Variants in C6 observed in about 807,000 individuals in gnomAD.
The protein encoded by C6 is complement component C6.
C6 carries 101 observed loss-of-function variants against 112.9 expected under a neutral mutation model. That is an observed-to-expected ratio of 0.89 (90% CI 0.76 to 1.06). C6 has a LOEUF of 1.06. Among genes scored for constraint, C6 ranks in the 50% least tolerant of loss-of-function variants. C6 has a pLI of 0.00. For synonymous variants in C6, 431 were observed against 384.1 expected (o/e 1.12, Z -1.43); for missense variants, 1,202 against 1,104.6 (o/e 1.09, Z -1.25).
chr5:41,202,612 G>T (rs1751114794), intron 2 of C6, among the ~76,000 whole-genome samples: 1 of 152,176 alleles, frequency 6.6e-6, no homozygotes, highest in Admixed American at 6.5e-5. Context: ...CAAGAAGTCT[G>T]AATTGGTGAA....
At chr5:41,253,666 G>C (rs749366785) in intron 1 of C6, among the ~76,000 whole-genome samples, 1 of 152,086 alleles carries the variant, frequency 6.6e-6, no homozygotes, top group Non-Finnish European at 1.5e-5. Context: ...CTTGTTTTTA[G>C]GTTATTTTGG....
chr5:41,253,690 C>T (rs370233105), intron 1 of C6, among the ~76,000 whole-genome samples: 5 of 152,252 alleles, frequency 3.3e-5, no homozygotes, highest in South Asian at 2.1e-4. Context: ...GTCCTTGTTA[C>T]GCTTTCTTGA....
At chr5:41,212,476 A>G (rs1016904041) in intron 1 of C6, among the ~76,000 whole-genome samples, 21 of 152,276 alleles carry the variant, frequency 1.4e-4, no homozygotes, top group Non-Finnish European at 5.9e-5. Flanking sequence ...TTAATCAAAT[A>G]AAAATAATTA....
In C6 at chr5:41,232,073, T is replaced by C. The variant is rs553798472; in HGVS notation, c.-20-28823A>G. 1.2e-4 allele frequency among the ~76,000 whole-genome samples: 18 copies of C among 152,274 alleles called. No individual in the cohort carries two copies. The South Asian group carries it at 2.9e-3, about 25-fold the overall frequency. ...TGTTCTTGTTAGGACTCCTAATTCA[T>C]AGCTGTCTTTGTTGTATCCCTGTAA... is the stretch of plus-strand genomic sequence containing the variant. On this transcript the variant is annotated intron_variant, in intron 1 of 17. Coordinates refer to the C6 transcript ENST00000263413.
intron 9 of C6, among the ~76,000 whole-genome samples, chr5:41,164,711 G>T (rs1747834223): frequency 6.6e-6 from 1 of 152,134 alleles, no homozygotes; most frequent in South Asian, 2.1e-4. Flanking sequence ...ATGTCCTCTT[G>T]TTCCTACAGG....
intron 9 of C6, among the ~76,000 whole-genome samples, chr5:41,167,353 A>G (rs1355287142): frequency 6.6e-6 from 1 of 152,148 alleles, no homozygotes; most frequent in Non-Finnish European, 1.5e-5. Flanking sequence ...AATTTACAAC[A>G]TCAACCACAG....
chr5:41,167,160 G>T (rs1270310417), intron 9 of C6, among the ~76,000 whole-genome samples: 1 of 152,052 alleles, frequency 6.6e-6, no homozygotes, highest in East Asian at 1.9e-4. Context: ...GAGAGAAAAA[G>T]AGCAAAATTT....
chr5:41,149,784 G>A (rs1746204893), intron 16 of C6, 151 bp downstream of exon 16: 1 of 693,796 alleles, frequency 1.4e-6, no homozygotes, highest in Non-Finnish European at 2.6e-6. Flanking sequence ...CAATGGGGAA[G>A]GAGGAATTCA....
intron 6 of C6, among the ~76,000 whole-genome samples, chr5:41,184,708 A>C (rs1436185197): frequency 1.3e-5 from 2 of 152,022 alleles, no homozygotes; most frequent in African/African-American, 4.8e-5. Flanking sequence ...CTGACACCCA[A>C]GTGATCTGCA....
chr5:41,229,669 T>C (rs1375120719), intron 1 of C6, among the ~76,000 whole-genome samples: 2 of 152,190 alleles, frequency 1.3e-5, no homozygotes, highest in Non-Finnish European at 2.9e-5. Flanking sequence ...GGATGGAATG[T>C]TTTGTATATG....
chr5:41,184,482 C>CTTTTCT (rs1554025409), intron 6 of C6, among the ~76,000 whole-genome samples: 13 of 149,294 alleles, frequency 8.7e-5, no homozygotes, highest in Non-Finnish European at 1.5e-4. Flanking sequence ...CTTTTCTTTT[C>CTTTTCT]TTTTTTTTTG....
intron 1 of C6, among the ~76,000 whole-genome samples, chr5:41,227,515 A>G (rs2150410034): frequency 6.6e-6 from 1 of 152,188 alleles, no homozygotes; most frequent in African/African-American, 2.4e-5. Flanking sequence ...GGTCACATCC[A>G]AAAAAATCAT....
rs556635835 is a variant in C6, at chr5:41,230,479, G to A, written c.-20-27229C>T. Among the ~76,000 whole-genome samples the A allele has an allele frequency of 2.8e-4, 42 of 152,158 alleles. 1 individual carries two copies. The South Asian group carries it at 8.1e-3, about 29-fold the overall frequency. ...ACTGAAAAAGCCCTGGTCTCCTGTA[G>A]CACCCTCAGGCTTACTAGGATTGGG... On this transcript the variant is annotated intron_variant, in intron 1 of 17. Coordinates refer to the C6 transcript ENST00000263413.
At chr5:41,215,328 C>G (rs768077552), upstream of C6, among the ~76,000 whole-genome samples, 1 of 152,054 alleles carries the variant, frequency 6.6e-6, no homozygotes, top group Non-Finnish European at 1.5e-5. Flanking sequence ...CTGATACATA[C>G]AACAAAGTGT....
chr5:41,172,154 C>A (rs1328771347), intron 9 of C6, 71 bp downstream of exon 9: 1 of 1,487,400 alleles, frequency 6.7e-7, no homozygotes, highest in Non-Finnish European at 9.4e-7. Flanking sequence ...ACAGTCACAT[C>A]CAATATGGTC....
chr5:41,154,559 C>T (rs932152832), intron 14 of C6, among the ~76,000 whole-genome samples: 1 of 152,206 alleles, frequency 6.6e-6, no homozygotes, highest in Non-Finnish European at 1.5e-5. Context: ...GCGAAAACTA[C>T]GTCTTACACA....
In C6 at chr5:41,167,580, A is replaced by C. The variant is rs1037541349; in HGVS notation, c.1291+4645T>G. Among the ~76,000 whole-genome samples, 4 of 152,152 alleles carry C rather than the reference A, an allele frequency of 2.6e-5. 1 individual carries two copies. In the South Asian group the frequency reaches 8.3e-4, roughly 32 times the overall value. Reference sequence around the variant, plus strand: ...GATAGAAGCTCATAAGAGGCTCTGCAATAAGTTAATGGAAAATGTGTATTA... The same window carrying C: ...GATAGAAGCTCATAAGAGGCTCTGCCATAAGTTAATGGAAAATGTGTATTA... On this transcript the variant is annotated intron_variant, in intron 9 of 17. Coordinates refer to ENST00000337836, the MANE Select transcript of C6 (RefSeq NM_000065.5).
chr5:41,162,862 A>C (rs966541557), intron 9 of C6, among the ~76,000 whole-genome samples: 2 of 152,188 alleles, frequency 1.3e-5, no homozygotes, highest in African/African-American at 4.8e-5. Context: ...TATACAAGGA[A>C]AATTTTAGAG....
intron 1 of C6, among the ~76,000 whole-genome samples, chr5:41,238,415 A>G (rs895556160): frequency 2.0e-5 from 3 of 152,188 alleles, no homozygotes; most frequent in Non-Finnish European, 2.9e-5. Flanking sequence ...AGCCTTCAGA[A>G]ATAATGCCAC....
Sources: gnomAD v4.1 joint callset for allele counts (sites outside exome capture counted in the v4.1 genomes callset) on GRCh38, gnomAD v4.1.1 for gene constraint, MANE v1.5 for transcripts, NCBI Gene and HGNC (gene_info 2026-07-23, HGNC 2026-07-21) for gene names.